TSBP1: variants seen among roughly 807,000 people sequenced by gnomAD.
TSBP1 encodes the protein testis-expressed basic protein 1.
A neutral mutation model predicts 68.8 loss-of-function variants in TSBP1; 56 were observed. The ratio of observed to expected loss-of-function variants is 0.81; its 90% confidence interval spans 0.66 to 1.02. The LOEUF (loss-of-function observed/expected upper bound fraction) is 1.02, where lower values mean the gene tolerates loss of function less well. Ranked by LOEUF, TSBP1 falls within the 50% of genes least tolerant of loss-of-function variation. TSBP1 has a pLI of 0.00. For missense variants in TSBP1, 502 were observed against 641.2 expected, an observed-to-expected ratio of 0.78 and a Z score of 2.34; for synonymous variants, 171 against 208.7, an observed-to-expected ratio of 0.82 and a Z score of 1.56.
chr6:32,335,376 A>G lies in TSBP1; in HGVS notation c.472+61T>C. 1.4e-6 allele frequency: 2 copies of G among 1,446,590 alleles called. No homozygotes were observed. The highest frequency in any genetic ancestry group is 1.8e-6 in the Non-Finnish European group (2 of 1,083,710). 89.6% of individuals were successfully genotyped at this position (1,446,590 alleles called of 1,614,324 possible). On this transcript the variant is annotated intron_variant, in intron 14 of 22. Transcript: ENST00000612031. This position sits in a 1 kb window ranked among gnomAD's most constrained non-coding sequence, Gnocchi z 5.5. The stretch of plus-strand genomic sequence containing the variant: ...TTGGGCATGAATAATTGAAATAAAA[A>G]TAGATTGATGTTCTAAGTAAAGTAC...
intron 4 of TSBP1, among the ~76,000 whole-genome samples, chr6:32,366,587 C>A (rs1773752732): frequency 6.6e-6 from 1 of 151,160 alleles, no homozygotes; most frequent in Non-Finnish European, 1.5e-5. Flanking sequence ...CACGGTGAAA[C>A]CCCGTCTCTA....
At chr6:32,364,037 A>C (rs1456756434) in intron 6 of TSBP1, among the ~76,000 whole-genome samples, 1 of 152,140 alleles carries the variant, frequency 6.6e-6, no homozygotes, top group Admixed American at 6.5e-5. Context: ...TTTTTCTTTC[A>C]GCAAATTGAA....
chr6:32,295,550 C>A (rs1764619645), intron 22 of TSBP1, among the ~76,000 whole-genome samples: 1 of 152,130 alleles, frequency 6.6e-6, no homozygotes, highest in African/African-American at 2.4e-5. Context: ...TGGTTCAAAT[C>A]CTGCCTCCGC....
intron 8 of TSBP1, among the ~76,000 whole-genome samples, chr6:32,353,362 T>G (rs1771919061): frequency 6.6e-6 from 1 of 151,908 alleles, no homozygotes; most frequent in African/African-American, 2.4e-5. Flanking sequence ...AAAACAAGTA[T>G]GTGTATAAGA....
At chr6:32,348,852 C>T (rs1771364385) in intron 9 of TSBP1, among the ~76,000 whole-genome samples, 1 of 152,184 alleles carries the variant, frequency 6.6e-6, no homozygotes, top group Non-Finnish European at 1.5e-5. Flanking sequence ...CTTCACAAGC[C>T]TCTCTCTTCT....
At chr6:32,308,317 A>T (rs1490097328) in intron 19 of TSBP1, among the ~76,000 whole-genome samples, 2 of 151,854 alleles carry the variant, frequency 1.3e-5, no homozygotes, top group East Asian at 3.9e-4. Context: ...ACCCTCATTT[A>T]AAAAAATTTG....
rs1416781541 is a variant in TSBP1, at chr6:32,315,935, G to T, written c.560-143C>A. ...GCATTCCAAACCACCCTATAGATTAGTTTTAGATTAGTTTTACAATGCAAA... is the reference window on the plus strand; with the variant it reads ...GCATTCCAAACCACCCTATAGATTATTTTTAGATTAGTTTTACAATGCAAA... On this transcript the variant is annotated intron_variant, in intron 18 of 22. Transcript: ENST00000612031. The surrounding 1 kb of genome is among the most constrained non-coding windows in gnomAD (Gnocchi z 5.4). 1.8e-5 allele frequency: 10 copies of T among 544,808 alleles called. No homozygotes were observed. The highest frequency in any genetic ancestry group is 3.2e-5 in the Non-Finnish European group (10 of 309,374). 33.7% of individuals were successfully genotyped at this position (544,808 alleles called of 1,614,324 possible).
chr6:32,330,752 C>G, intron 15 of TSBP1, 143 bp from the exon 17 acceptor site: 1 of 975,278 alleles, frequency 1.0e-6, no homozygotes, highest in Non-Finnish European at 1.5e-6. Flanking sequence ...CTCACTGCAA[C>G]CTCCACCTTC....
At chr6:32,324,702 T>C (rs1388015159) in intron 16 of TSBP1, 1 of 1,550,728 alleles carries the variant, frequency 6.4e-7, no homozygotes, top group Admixed American at 2.0e-5. Flanking sequence ...CAAAGATACT[T>C]TTTGTTACCC....
chr6:32,365,876 G>T lies in TSBP1; in HGVS notation c.217+291C>A. On this transcript the variant is annotated intron_variant, in intron 6 of 22. Transcript: ENST00000612031. This position sits in a 1 kb window ranked among gnomAD's most constrained non-coding sequence, Gnocchi z 4.3. ...TCTGTGGATAGTTGTCTAAATTGAT[G>T]CTTCTGTGTGGGAAGAAAGCTCCTA... is the stretch of plus-strand genomic sequence containing the variant. The T allele has an allele frequency of 1.9e-6, 1 of 520,448 alleles. No homozygotes were observed. The highest frequency in any genetic ancestry group is 4.9e-5 in the East Asian group (1 of 20,292). 32.2% of individuals were successfully genotyped at this position (520,448 alleles called of 1,614,324 possible). A position where few individuals can be genotyped will look rare whatever the true frequency, so the allele number is the denominator to read the frequency against.
chr6:32,324,720 G>GT (rs1169060910), intron 16 of TSBP1: 1 of 1,549,228 alleles, frequency 6.5e-7, no homozygotes, highest in Non-Finnish European at 8.7e-7. Flanking sequence ...CCCCTTTCTT[G>GT]TTTCTTTTCC....
At chr6:32,368,277 A>G (rs1381210493) in intron 3 of TSBP1, among the ~76,000 whole-genome samples, 1 of 152,132 alleles carries the variant, frequency 6.6e-6, no homozygotes, top group African/African-American at 2.4e-5. Flanking sequence ...CTTTCTTAAC[A>G]ACTTTGGCAT....
rs1222959544 is a variant in TSBP1 at position 32,325,935 on chromosome 6, T to C, written c.515-2321A>G. 1.3e-6 allele frequency: 2 copies of C among 1,559,676 alleles called. No homozygotes were observed. The highest frequency in any genetic ancestry group is 2.7e-5 in the African/African-American group (2 of 74,198). On this transcript the variant is annotated intron_variant, in intron 16 of 22. Transcript: ENST00000612031. The surrounding 1 kb of genome is among the most constrained non-coding windows in gnomAD (Gnocchi z 4.4). ...GTGGTGGTGGTGGATATGGTGGCAGTGAGGATGGCTATAATGGATTTGGTA... is the reference window on the plus strand; with the variant it reads ...GTGGTGGTGGTGGATATGGTGGCAGCGAGGATGGCTATAATGGATTTGGTA...
chr6:32,366,047 G>C, intron 6 of TSBP1, 120 bp downstream of exon 6: 1 of 1,363,328 alleles, frequency 7.3e-7, no homozygotes, highest in Non-Finnish European at 1.0e-6. Context: ...AGAATATTCT[G>C]TAACTACTTT....
At chr6:32,326,079 C>A in intron 16 of TSBP1, 1 of 1,427,696 alleles carries the variant, frequency 7.0e-7, no homozygotes, top group Admixed American at 1.7e-5. Flanking sequence ...GCTGTGGCCT[C>A]TATGGTGGTG....
rs566416236 is a variant in TSBP1 at position 32,325,341 on chromosome 6, G to A, written c.515-1727C>T. 40 of 1,062,706 alleles carry A rather than the reference G, an allele frequency of 3.8e-5. No homozygotes were observed. The highest frequency in any genetic ancestry group is 9.4e-5 in the African/African-American group (6 of 63,592). 65.8% of individuals were successfully genotyped at this position (1,062,706 alleles called of 1,614,324 possible). A position where few individuals can be genotyped will look rare whatever the true frequency, so the allele number is the denominator to read the frequency against. On this transcript the variant is annotated intron_variant, in intron 16 of 22. Coordinates refer to ENST00000612031, the Ensembl canonical transcript of TSBP1. This position sits in a 1 kb window ranked among gnomAD's most constrained non-coding sequence, Gnocchi z 4.4. ...ATTTTGAGCAGTGAGGGACACTCCC[G>A]GACAGTGTGGTCATGAGAGATCCAA...
rs1767661959 is a variant in TSBP1 at position 32,321,798 on chromosome 6, T to C, written c.559+1319A>G. On this transcript the variant is annotated intron_variant, in intron 18 of 22. Coordinates refer to ENST00000612031, the Ensembl canonical transcript of TSBP1. The surrounding 1 kb of genome is among the most constrained non-coding windows in gnomAD (Gnocchi z 4.3). ...ATGGAACTAGAGGGGAGTATGTAAG[T>C]ATGTTTGCAATCTGTTAGAGTAACC... Among the ~76,000 whole-genome samples the C allele has an allele frequency of 6.6e-6, 1 of 152,216 alleles. No homozygotes were observed. The highest frequency in any genetic ancestry group is 2.1e-4 in the South Asian group (1 of 4,828).
chr6:32,314,657 C>G lies in TSBP1; in HGVS notation c.580+1115G>C, dbSNP rs1322233161. 6.6e-6 allele frequency among the ~76,000 whole-genome samples: 1 copy of G among 152,142 alleles called. No individual in the cohort carries two copies. The highest frequency in any genetic ancestry group is 2.4e-5 in the African/African-American group (1 of 41,432). On this transcript the variant is annotated intron_variant, in intron 19 of 22. Coordinates refer to ENST00000612031, the Ensembl canonical transcript of TSBP1. The surrounding 1 kb of genome is among the most constrained non-coding windows in gnomAD (Gnocchi z 4.2). ...AGTTCCATTTCTCTTCACTCAAATA[C>G]CAATGTCTTTGTCCTAACATTATTG...
exon 17 of TSBP1, chr6:32,323,593 C>T (rs780789721): frequency 3.7e-6 from 6 of 1,612,114 alleles, no homozygotes; most frequent in South Asian, 1.1e-5. Flanking sequence ...GAACTTACCG[C>T]GGGGTGCTGA....
Sources: allele counts gnomAD v4.1 joint callset (sites outside exome capture counted in the v4.1 genomes callset), GRCh38; gene constraint gnomAD v4.1.1; non-coding constraint Gnocchi (gnomAD v3.1); transcripts MANE v1.5; gene names NCBI Gene and HGNC (gene_info 2026-07-23, HGNC 2026-07-21).